The following SLC4A8 variants were observed in gnomAD, a reference collection of about 807,000 sequenced individuals.
The protein encoded by SLC4A8 is electroneutral sodium bicarbonate exchanger 1.
A neutral mutation model predicts 125.0 loss-of-function variants in SLC4A8; 40 were observed. That is an observed-to-expected ratio of 0.32 (90% CI 0.25 to 0.42). SLC4A8 has a LOEUF of 0.42. Ranked by LOEUF, SLC4A8 falls within the 10% of genes least tolerant of loss-of-function variation. The pLI, the probability that SLC4A8 is intolerant of heterozygous loss-of-function variation, is 1.00. For synonymous variants in SLC4A8, 456 were observed against 476.0 expected (o/e 0.96, Z 0.55); for missense variants, 863 against 1,355.1 (o/e 0.64, Z 5.70).
intron 14 of SLC4A8, among the ~76,000 whole-genome samples, chr12:51,472,446 C>T (rs1950726956): frequency 1.3e-5 from 2 of 152,194 alleles, no homozygotes; most frequent in South Asian, 4.1e-4. Flanking sequence ...TTTATTAGAA[C>T]TTTATTTTAC....
chr12:51,408,217 A>C (rs1948528460), intron 1 of SLC4A8, among the ~76,000 whole-genome samples: 1 of 152,022 alleles, frequency 6.6e-6, no homozygotes. Flanking sequence ...GACACAATTC[A>C]ATCTATAATG....
intron 15 of SLC4A8, chr12:51,474,719 G>A: frequency 1.8e-6 from 1 of 567,568 alleles, no homozygotes. Flanking sequence ...CAGGACAGGG[G>A]GCAGATCCAG....
At chr12:51,472,681 A>G (rs577208282) in intron 14 of SLC4A8, among the ~76,000 whole-genome samples, 2 of 152,312 alleles carry the variant, frequency 1.3e-5, no homozygotes, top group East Asian at 3.9e-4. Context: ...TATGAGGCTT[A>G]TATCTGAGAA....
At chr12:51,506,446 T>C (rs1348317203) in intron 24 of SLC4A8, among the ~76,000 whole-genome samples, 14 of 152,130 alleles carry the variant, frequency 9.2e-5, no homozygotes, top group Admixed American at 3.9e-4. Context: ...TTTCTTTTTT[T>C]GTTTTTTTGA....
chr12:51,486,848 G>A (rs576314614), intron 17 of SLC4A8, among the ~76,000 whole-genome samples: 1 of 152,214 alleles, frequency 6.6e-6, no homozygotes, highest in Non-Finnish European at 1.5e-5. Flanking sequence ...TAATTTTGTT[G>A]AATTTGCTGA....
chr12:51,451,432 A>G (rs972819927), intron 3 of SLC4A8, among the ~76,000 whole-genome samples: 1 of 152,206 alleles, frequency 6.6e-6, no homozygotes, highest in African/African-American at 2.4e-5. Flanking sequence ...TTTAAAATAT[A>G]CAATTAAATT....
intron 2 of SLC4A8, among the ~76,000 whole-genome samples, chr12:51,450,339 A>G (rs1415929629): frequency 6.6e-6 from 1 of 152,204 alleles, no homozygotes; most frequent in Non-Finnish European, 1.5e-5. Flanking sequence ...CTCTGAGTTT[A>G]AATACTAAGC....
intron 18 of SLC4A8, 146 bp from the exon 19 acceptor site, chr12:51,489,554 G>A: frequency 1.1e-6 from 1 of 917,258 alleles, no homozygotes; most frequent in Non-Finnish European, 1.6e-6. Flanking sequence ...ACCAGGAGGG[G>A]CTACAAGACT....
rs1319535373 is a variant in SLC4A8, at chr12:51,462,385, G to C, written c.1177G>C (p.Val393Leu). The change falls in exon 10 of 25, where the codon GTG becomes CTG. Residue 393 changes from valine (V) to leucine (L), a missense_variant. Around this residue, in one of 6 missense-constraint regions of SLC4A8, gnomAD observed 390 missense variants for 634.4 expected, o/e 0.61. Coordinates refer to ENST00000453097, the MANE Select transcript of SLC4A8 (RefSeq NM_001039960.3). Reference sequence around the variant, plus strand: ...GGGGATTGATGAGTTCCTAGACCAGGTGACGGTGCTCCCTCCAGGAGAGTG... The same window carrying C: ...GGGGATTGATGAGTTCCTAGACCAGCTGACGGTGCTCCCTCCAGGAGAGTG... ...LAGIDEFLDQ[V>L]TVLPPGEWDP... The C allele has an allele frequency of 6.2e-7, 1 of 1,612,638 alleles. No individual in the cohort carries two copies. Among genetic ancestry groups the C allele is most frequent in the Non-Finnish European group, 8.5e-7 (1 of 1,179,496 alleles).
Position 51,459,998 on chromosome 12 carries a change from C to A in SLC4A8, c.903C>A (p.Ser301=). 1.2e-6 allele frequency: 2 copies of A among 1,613,582 alleles called. No homozygotes were observed. The highest frequency in any genetic ancestry group is 1.7e-6 in the Non-Finnish European group (2 of 1,179,488). Residue 301 remains serine, a synonymous_variant, in exon 8 of 25, where the codon TCC becomes TCA. Transcript: ENST00000453097. ...AAATTCCTACTGGGGCCGAGGCCTC[C>A]AATGTCCTGGTTGGAGAGGTGGATA... ...MKKIPTGAEA[S]NVLVGEVDIL...
chr12:51,403,071 A>T (rs758021434), intron 1 of SLC4A8: 18 of 315,696 alleles, frequency 5.7e-5, no homozygotes, highest in Non-Finnish European at 1.1e-4. Context: ...TTTTTTTTAA[A>T]GGACAATTAT....
chr12:51,469,866 G>A, intron 12 of SLC4A8, 78 bp downstream of exon 12: 2 of 1,328,748 alleles, frequency 1.5e-6, no homozygotes, highest in Non-Finnish European at 2.1e-6. Context: ...CACTGTGGGG[G>A]AAATTACTTG....
chr12:51,445,726 C>G (rs1173613194), intron 2 of SLC4A8, among the ~76,000 whole-genome samples: 1 of 152,084 alleles, frequency 6.6e-6, no homozygotes, highest in African/African-American at 2.4e-5. Context: ...ACTTAGATGT[C>G]CCCTCTAATC....
intron 22 of SLC4A8, among the ~76,000 whole-genome samples, chr12:51,501,116 A>G (rs1317480236): frequency 2.0e-5 from 3 of 152,152 alleles, no homozygotes; most frequent in African/African-American, 7.2e-5. Flanking sequence ...GGCGTGAGCC[A>G]CCGTGCCCGG....
At chr12:51,455,446 G>A (rs1235014559) in intron 5 of SLC4A8, among the ~76,000 whole-genome samples, 2 of 152,136 alleles carry the variant, frequency 1.3e-5, no homozygotes, top group Non-Finnish European at 2.9e-5. Context: ...GGAGTAAAGA[G>A]AATTAAAGAC....
chr12:51,507,520 GAGAAGAAGCA>G lies in SLC4A8; in HGVS notation c.*86_*95del. ...TACAGAGAAAATGGCGAGTCTCTCA[GAGAAGAAGCA>G]AGACCAAGTCTGGCCCTGTCCTTGG... is the stretch of plus-strand genomic sequence containing the variant. On this transcript the variant is annotated 3_prime_UTR_variant, in exon 25 of 25. Coordinates refer to ENST00000453097, the MANE Select transcript of SLC4A8 (RefSeq NM_001039960.3). 9.6e-7 allele frequency: 1 copy of G among 1,044,222 alleles called. No individual in the cohort carries two copies. The highest frequency in any genetic ancestry group is 1.3e-6 in the Non-Finnish European group (1 of 767,808). 64.7% of individuals were successfully genotyped at this position (1,044,222 alleles called of 1,614,324 possible). A position where few individuals can be genotyped will look rare whatever the true frequency, so the allele number is the denominator to read the frequency against.
intron 14 of SLC4A8, 195 bp downstream of exon 14, chr12:51,471,727 C>G (rs1490324498): frequency 5.0e-6 from 3 of 601,484 alleles, no homozygotes; most frequent in South Asian, 5.1e-5. Flanking sequence ...CAGAGAAGAT[C>G]GACTAGAAGT....
chr12:51,512,838 C>T lies in SLC4A8; in HGVS notation c.*5400C>T, dbSNP rs1337077037. 1.3e-5 allele frequency: 2 copies of T among 152,140 alleles called. No individual in the cohort carries two copies. The highest frequency in any genetic ancestry group is 6.5e-5 in the Admixed American group (1 of 15,280). 9.4% of individuals were successfully genotyped at this position (152,140 alleles called of 1,614,324 possible). On this transcript the variant is annotated 3_prime_UTR_variant, in exon 25 of 25. Coordinates refer to ENST00000453097, the MANE Select transcript of SLC4A8 (RefSeq NM_001039960.3). Reference sequence around the variant, plus strand: ...GATAAGAGTAATTTGAGAACAAATACAGATTCATCTATGGGAAAAGATGTT... The same window carrying T: ...GATAAGAGTAATTTGAGAACAAATATAGATTCATCTATGGGAAAAGATGTT...
At position 51,511,515 on chromosome 12, in the gene SLC4A8, A is replaced by T. The variant is rs1412935947; in HGVS notation, c.*4077A>T. 6.6e-6 allele frequency: 1 copy of T among 152,058 alleles called. No homozygotes were observed. Among genetic ancestry groups the T allele is most frequent in the Non-Finnish European group, 1.5e-5 (1 of 68,058 alleles). The allele number at this position is 152,058 out of a possible 1,614,324, so 9.4% of individuals were successfully genotyped here. A position where few individuals can be genotyped will look rare whatever the true frequency, so the allele number is the denominator to read the frequency against. ...AGTGATTCTCCTGCCTCAGCCTCCCAAGTAGCTAGGATTACAGGTGCGCAC... is the reference window on the plus strand; with the variant it reads ...AGTGATTCTCCTGCCTCAGCCTCCCTAGTAGCTAGGATTACAGGTGCGCAC... On this transcript the variant is annotated 3_prime_UTR_variant, in exon 25 of 25. Transcript: ENST00000453097.
Sources: allele counts gnomAD v4.1 joint callset (sites outside exome capture counted in the v4.1 genomes callset), GRCh38; gene constraint gnomAD v4.1.1; regional missense constraint gnomAD v4.1.1; transcripts MANE v1.5; gene names NCBI Gene and HGNC (gene_info 2026-07-23, HGNC 2026-07-21).